The following VPS8 variants were observed in gnomAD, a reference collection of about 807,000 sequenced individuals.
VPS8 encodes the protein VPS8 subunit of CORVET complex.
A neutral mutation model predicts 216.4 loss-of-function variants in VPS8; 129 were observed. That is an observed-to-expected ratio of 0.60 (90% CI 0.52 to 0.69). The LOEUF (loss-of-function observed/expected upper bound fraction) is 0.69, where lower values mean the gene tolerates loss of function less well. Among genes scored for constraint, VPS8 ranks in the 30% least tolerant of loss-of-function variants. VPS8 has a pLI of 0.00. For missense variants in VPS8, 1,531 were observed against 1,683.5 expected, an observed-to-expected ratio of 0.91 and a Z score of 1.59; for synonymous variants, 571 against 565.4, an observed-to-expected ratio of 1.01 and a Z score of -0.14.
intron 37 of VPS8, among the ~76,000 whole-genome samples, chr3:184,958,430 T>C (rs1745967903): frequency 6.6e-6 from 1 of 152,210 alleles, no homozygotes; most frequent in African/African-American, 2.4e-5. Flanking sequence ...TCTAAGCTTG[T>C]CTCTCAGTCT....
intron 36 of VPS8, among the ~76,000 whole-genome samples, chr3:184,950,436 T>C (rs2109404126): frequency 6.6e-6 from 1 of 151,914 alleles, no homozygotes; most frequent in Non-Finnish European, 1.5e-5. Context: ...GAAATCCTCT[T>C]CCTTAGAGAA....
chr3:184,880,232 A>G (rs1344213986), intron 21 of VPS8, among the ~76,000 whole-genome samples: 1 of 152,180 alleles, frequency 6.6e-6, no homozygotes, highest in Non-Finnish European at 1.5e-5. Flanking sequence ...GGATATTGAT[A>G]TTGATAAGGT....
chr3:184,913,661 T>C (rs1736986577), intron 26 of VPS8, 100 bp downstream of exon 26: 1 of 960,670 alleles, frequency 1.0e-6, no homozygotes, highest in African/African-American at 1.7e-5. Context: ...GTACTTTTAA[T>C]TTTGCACAAT....
At position 184,996,399 on chromosome 3, in the gene VPS8, C is replaced by A. The variant is rs1752618927; in HGVS notation, c.3734C>A (p.Ala1245Asp). 6.2e-7 allele frequency: 1 copy of A among 1,613,818 alleles called. No homozygotes were observed. Among genetic ancestry groups the A allele is most frequent in the African/African-American group, 1.3e-5 (1 of 74,916 alleles). The change falls in exon 44 of 48, where the codon GCT (alanine) becomes GAT (aspartate). Residue 1245 changes from alanine (A) to aspartate (D), a missense_variant. Transcript: ENST00000625842. Reference protein sequence around the residue: ...DLHWSLCNLRASVTRGLNPKQ... With the variant: ...DLHWSLCNLRDSVTRGLNPKQ... ...CATTGGTCATTGTGTAACCTGAGAG[C>A]TTCGGTCACCAGAGGACTGAATCCC... is the stretch of plus-strand genomic sequence containing the variant.
intron 5 of VPS8, among the ~76,000 whole-genome samples, chr3:184,838,220 T>C (rs1437434057): frequency 1.3e-5 from 2 of 152,222 alleles, no homozygotes; most frequent in Non-Finnish European, 1.5e-5. Context: ...TACTTCTTTA[T>C]GTTTTAATTT....
At chr3:184,983,115 A>G in intron 42 of VPS8, 21 bp downstream of exon 42, 2 of 1,555,058 alleles carry the variant, frequency 1.3e-6, no homozygotes, top group Middle Eastern at 1.8e-4. Flanking sequence ...AGGGGTGAAT[A>G]TTAAATATTG....
chr3:184,894,989 C>A, intron 23 of VPS8, 64 bp downstream of exon 23: 1 of 1,375,726 alleles, frequency 7.3e-7, no homozygotes, highest in Non-Finnish European at 1.0e-6. Flanking sequence ...ATAACACTTA[C>A]TTCACTGATC....
At chr3:184,816,724 T>C (rs1293633183) in intron 1 of VPS8, among the ~76,000 whole-genome samples, 4 of 152,136 alleles carry the variant, frequency 2.6e-5, no homozygotes, top group Admixed American at 6.5e-5. Flanking sequence ...TACGGCCAGA[T>C]CTTGTTTTTC....
At chr3:184,942,380 A>C (rs1277126952) in intron 36 of VPS8, among the ~76,000 whole-genome samples, 5 of 152,134 alleles carry the variant, frequency 3.3e-5, no homozygotes, top group Non-Finnish European at 7.3e-5. Flanking sequence ...CCTCTCACAC[A>C]TTATTCCTTT....
intron 5 of VPS8, among the ~76,000 whole-genome samples, chr3:184,836,517 A>G (rs1171861570): frequency 6.6e-6 from 1 of 152,214 alleles, no homozygotes; most frequent in South Asian, 2.1e-4. Context: ...GGGAAATTCT[A>G]ATAAATCCCA....
At position 184,869,480 on chromosome 3, in the gene VPS8, A is replaced by G; in HGVS notation, c.1598-2A>G. The G allele has an allele frequency of 6.2e-7, 1 of 1,613,372 alleles. No individual in the cohort carries two copies. The highest frequency in any genetic ancestry group is 1.3e-5 in the African/African-American group (1 of 75,014). On this transcript the variant is annotated splice_acceptor_variant, in intron 19 of 47. Transcript: ENST00000625842. LOFTEE classifies it high-confidence loss of function. The stretch of plus-strand genomic sequence containing the variant: ...TTTTTGTTGGATTTTCCTTCTCTGC[A>G]GGATTATCAGGGGATGCCAGTAAGC...
In VPS8 at chr3:184,924,961, A is replaced by G. The variant is rs1279731107; in HGVS notation, c.2554A>G (p.Asn852Asp). ...AAAGCCTGACAACACCTTGTTTGTA[A>G]ACAGAACACTTTTTGATCAGGTAAG... is the stretch of plus-strand genomic sequence containing the variant. ...LAKPDNTLFVNRTLFDQVLEF... is the reference protein window; with the variant it reads ...LAKPDNTLFVDRTLFDQVLEF... Residue 852 changes from asparagine (N) to aspartate (D), a missense_variant, in exon 30 of 48, where the codon AAC becomes GAC. Physicochemically the swap from Asn to Asp is conservative, Grantham distance 23. Coordinates refer to ENST00000625842, the MANE Select transcript of VPS8 (RefSeq NM_001009921.3). 3.1e-6 allele frequency: 5 copies of G among 1,613,730 alleles called. No homozygotes were observed. Among genetic ancestry groups the G allele is most frequent in the Non-Finnish European group, 4.2e-6 (5 of 1,179,806 alleles).
At chr3:184,947,974 C>T (rs899671242) in intron 36 of VPS8, among the ~76,000 whole-genome samples, 6 of 151,974 alleles carry the variant, frequency 3.9e-5, no homozygotes, top group African/African-American at 1.5e-4. Flanking sequence ...TTGGAGGAAA[C>T]TAAAAATTCA....
At chr3:184,976,188 T>A (rs926507673) in intron 40 of VPS8, among the ~76,000 whole-genome samples, 3 of 152,204 alleles carry the variant, frequency 2.0e-5, no homozygotes, top group African/African-American at 2.4e-5. Flanking sequence ...TACTCTCCTC[T>A]TCACATACCT....
At chr3:184,881,863 A>G (rs1287317822) in intron 21 of VPS8, among the ~76,000 whole-genome samples, 1 of 151,884 alleles carries the variant, frequency 6.6e-6, no homozygotes, top group Non-Finnish European at 1.5e-5. Context: ...GCAGTTTTAA[A>G]TGGTATTGAA....
intron 7 of VPS8, among the ~76,000 whole-genome samples, chr3:184,842,029 A>G (rs1272707228): frequency 6.6e-6 from 1 of 152,014 alleles, no homozygotes; most frequent in Non-Finnish European, 1.5e-5. Context: ...CCCATTTACC[A>G]GTACTCACTT....
In VPS8 at chr3:184,957,408, A is replaced by C. The variant is rs772471086; in HGVS notation, c.3070A>C (p.Ile1024Leu). 1 of 1,611,568 alleles carries C rather than the reference A, an allele frequency of 6.2e-7. No individual in the cohort carries two copies. The highest frequency in any genetic ancestry group is 8.5e-7 in the Non-Finnish European group (1 of 1,178,854). Residue 1024 changes from isoleucine to leucine, a missense_variant, in exon 37 of 48, where the codon ATA (isoleucine) becomes CTA (leucine). Coordinates refer to ENST00000625842, the MANE Select transcript of VPS8 (RefSeq NM_001009921.3). ...TCATGTAAATCAAGAATTACTGCAA[A>C]TATCTCCTTGTATCACAGAGCAGTT... ...GIHVNQELLQ[I>L]SPCITEQFIE...
chr3:185,033,605 G>T (rs534459438), intron 46 of VPS8, among the ~76,000 whole-genome samples: 18 of 152,346 alleles, frequency 1.2e-4, no homozygotes, highest in African/African-American at 4.3e-4. Context: ...GTAGGATTTT[G>T]CATGGGCATC....
At chr3:184,850,754 T>A (rs1365677845) in intron 10 of VPS8, among the ~76,000 whole-genome samples, 1 of 152,234 alleles carries the variant, frequency 6.6e-6, no homozygotes, top group Non-Finnish European at 1.5e-5. Flanking sequence ...ACACATTTTG[T>A]TGCTTAGCTC....
Sources: gnomAD v4.1 joint callset for allele counts (sites outside exome capture counted in the v4.1 genomes callset) on GRCh38, gnomAD v4.1.1 for gene constraint, MANE v1.5 for transcripts, NCBI Gene and HGNC (gene_info 2026-07-23, HGNC 2026-07-21) for gene names.